Variants in PRMT3 observed in about 807,000 individuals in gnomAD.
PRMT3 encodes protein arginine methyltransferase 3.
Under a neutral mutation model 71.9 loss-of-function variants are expected in PRMT3, and 62 were observed. The ratio of observed to expected loss-of-function variants is 0.86; its 90% CI spans 0.70 to 1.07. The LOEUF (loss-of-function observed/expected upper bound fraction) is 1.07, where lower values mean the gene tolerates loss of function less well. Ranked by LOEUF, PRMT3 falls within the 50% of genes least tolerant of loss-of-function variation. The pLI is 0.00. For synonymous variants in PRMT3, 213 were observed against 220.4 expected (o/e 0.97, Z 0.30); for missense variants, 663 against 643.0 (o/e 1.03, Z -0.34).
chr11:20,456,225 G>A (rs1252593474), intron 11 of PRMT3, among the ~76,000 whole-genome samples: 10 of 152,050 alleles, frequency 6.6e-5, no homozygotes, highest in Non-Finnish European at 1.3e-4. Context: ...ATAATTGAAC[G>A]GTGGCTTACA....
intron 9 of PRMT3, among the ~76,000 whole-genome samples, chr11:20,414,186 C>CA (rs1360730490): frequency 2.0e-5 from 3 of 151,720 alleles, no homozygotes; most frequent in East Asian, 3.9e-4. Flanking sequence ...CTGTCTCTAC[C>CA]AAAAAAATAA....
At chr11:20,397,545 TG>T in intron 6 of PRMT3, 31 bp from the exon 7 acceptor site, 2 of 1,610,282 alleles carry the variant, frequency 1.2e-6, no homozygotes, top group Non-Finnish European at 1.7e-6. Flanking sequence ...CCAATAAACC[TG>T]TCTCAAGGGT....
At chr11:20,452,879 A>G (rs1444572182) in intron 11 of PRMT3, among the ~76,000 whole-genome samples, 1 of 152,158 alleles carries the variant, frequency 6.6e-6, no homozygotes, top group African/African-American at 2.4e-5. Context: ...TTTAGCTTTA[A>G]CTCTTAAATG....
At chr11:20,505,652 G>C (rs545436063) in intron 15 of PRMT3, among the ~76,000 whole-genome samples, 177 of 152,204 alleles carry the variant, frequency 1.2e-3, no homozygotes, top group African/African-American at 4.0e-3. Flanking sequence ...GTTTTTAAAT[G>C]TTGATTTAAA....
At chr11:20,477,850 C>A (rs1290372881) in intron 13 of PRMT3, among the ~76,000 whole-genome samples, 1 of 143,908 alleles carries the variant, frequency 6.9e-6, no homozygotes, top group African/African-American at 2.5e-5. Context: ...CAGCTTCATC[C>A]ACTCCAATAA....
chr11:20,428,588 G>T (rs1849593679), intron 10 of PRMT3, among the ~76,000 whole-genome samples: 1 of 152,192 alleles, frequency 6.6e-6, no homozygotes, highest in Admixed American at 6.5e-5. Flanking sequence ...CAGTTAGCTG[G>T]ATTGAATGAA....
At chr11:20,393,715 G>A (rs998669059) in intron 5 of PRMT3, 1 of 151,990 alleles carries the variant, frequency 6.6e-6, no homozygotes, top group Admixed American at 6.6e-5. Flanking sequence ...AAATCTCTAA[G>A]TTTAATCTTT....
chr11:20,406,695 C>T (rs1310859419), intron 8 of PRMT3: 1 of 152,094 alleles, frequency 6.6e-6, no homozygotes, highest in Non-Finnish European at 1.5e-5. Context: ...TATGGTAATT[C>T]CATTTTTAAT....
At chr11:20,466,940 C>T (rs1017610793) in intron 13 of PRMT3, among the ~76,000 whole-genome samples, 1 of 152,006 alleles carries the variant, frequency 6.6e-6, no homozygotes, top group Non-Finnish European at 1.5e-5. Context: ...CTATAAAGTA[C>T]CTTTTATTTA....
chr11:20,444,733 G>A (rs1849985471), intron 10 of PRMT3, among the ~76,000 whole-genome samples: 1 of 151,948 alleles, frequency 6.6e-6, no homozygotes, highest in Non-Finnish European at 1.5e-5. Flanking sequence ...TGTTATTGTT[G>A]GAGTGTTACG....
intron 10 of PRMT3, among the ~76,000 whole-genome samples, chr11:20,443,024 C>G (rs1371540447): frequency 1.3e-5 from 2 of 152,060 alleles, no homozygotes; most frequent in East Asian, 3.9e-4. Context: ...GAGAGGGCAA[C>G]GTTACTAGTT....
intron 11 of PRMT3, among the ~76,000 whole-genome samples, chr11:20,460,081 C>T (rs777778422): frequency 5.3e-5 from 8 of 152,074 alleles, no homozygotes; most frequent in Admixed American, 1.3e-4. Context: ...GAAGCAATTG[C>T]GTTGGTGCCA....
intron 15 of PRMT3, among the ~76,000 whole-genome samples, chr11:20,504,723 AGAGAG>A (rs1851544670): frequency 6.6e-6 from 1 of 150,958 alleles, no homozygotes; most frequent in Non-Finnish European, 1.5e-5. Flanking sequence ...AGAGAGAGAG[AGAGAG>A]AGAGAGAGAG....
chr11:20,495,620 A>T (rs1271047296), intron 15 of PRMT3, among the ~76,000 whole-genome samples: 4 of 152,148 alleles, frequency 2.6e-5, no homozygotes, highest in Non-Finnish European at 4.4e-5. Context: ...GGCTAATCAG[A>T]TTCTATTTTT....
At chr11:20,401,785 A>G (rs1250642250) in intron 7 of PRMT3, among the ~76,000 whole-genome samples, 4 of 152,202 alleles carry the variant, frequency 2.6e-5, no homozygotes, top group African/African-American at 4.8e-5. Context: ...CTGTTCATGA[A>G]CCAGCATAAA....
intron 13 of PRMT3, among the ~76,000 whole-genome samples, chr11:20,470,998 C>CT: frequency 6.6e-6 from 1 of 151,948 alleles, no homozygotes; most frequent in Non-Finnish European, 1.5e-5. Context: ...TAATGTTGAG[C>CT]TTTTTTTCCA....
At chr11:20,500,353 G>A (rs977498752) in intron 15 of PRMT3, among the ~76,000 whole-genome samples, 7 of 152,112 alleles carry the variant, frequency 4.6e-5, no homozygotes, top group African/African-American at 1.7e-4. Flanking sequence ...TATTAATTCA[G>A]TGCAATCTCA....
At chr11:20,413,980 G>A (rs1849248983) in intron 9 of PRMT3, among the ~76,000 whole-genome samples, 1 of 151,958 alleles carries the variant, frequency 6.6e-6, no homozygotes, top group African/African-American at 2.4e-5. Context: ...TCTATAAAAG[G>A]CACTTTAAAT....
At chr11:20,477,369 G>A (rs1053914916) in intron 13 of PRMT3, among the ~76,000 whole-genome samples, 5 of 151,900 alleles carry the variant, frequency 3.3e-5, no homozygotes, top group African/African-American at 1.2e-4. Context: ...TGAGGTCAGG[G>A]GTTCAACACC....
Sources: allele counts gnomAD v4.1 joint callset (sites outside exome capture counted in the v4.1 genomes callset), GRCh38; gene constraint gnomAD v4.1.1; transcripts MANE v1.5; gene names NCBI Gene and HGNC (gene_info 2026-07-23, HGNC 2026-07-21).